Variants in RRP1B observed in about 807,000 individuals in gnomAD.
The protein encoded by RRP1B is ribosomal RNA processing protein 1 homolog B.
Under a neutral mutation model 80.2 loss-of-function variants are expected in RRP1B, and 56 were observed. That is an observed-to-expected ratio of 0.70 (90% CI 0.56 to 0.87). The LOEUF is 0.87. Among genes scored for constraint, RRP1B ranks in the 40% least tolerant of loss-of-function variants. The pLI is 0.00. For synonymous variants in RRP1B, 351 were observed against 357.6 expected (o/e 0.98, Z 0.21); for missense variants, 807 against 939.8 (o/e 0.86, Z 1.85).
intron 5 of RRP1B, 53 bp downstream of exon 5, chr21:43,674,750 T>C: frequency 4.1e-6 from 6 of 1,471,090 alleles, no homozygotes; most frequent in Non-Finnish European, 5.6e-6. Flanking sequence ...TAAAAGGTAG[T>C]AGAGTGTCAA....
Position 43,676,265 on chromosome 21 carries a change from A to G in RRP1B, c.550-7A>G. 6.2e-7 allele frequency: 1 copy of G among 1,601,266 alleles called. No individual in the cohort carries two copies. The highest frequency in any genetic ancestry group is 8.5e-7 in the Non-Finnish European group (1 of 1,173,420). On this transcript the variant is annotated splice_region_variant and splice_polypyrimidine_tract_variant and intron_variant, in intron 6 of 15. Coordinates refer to ENST00000340648, the MANE Select transcript of RRP1B (RefSeq NM_015056.3). Reference sequence around the variant, plus strand: ...TTTCTCAATTTTTCCCTTTTTCTAAATTACAGCTTTTAGCAGATCAGAATC... The same window carrying G: ...TTTCTCAATTTTTCCCTTTTTCTAAGTTACAGCTTTTAGCAGATCAGAATC...
At chr21:43,673,790 G>C (rs2083009719) in intron 3 of RRP1B, 80 bp from the exon 4 acceptor site, 4 of 834,576 alleles carry the variant, frequency 4.8e-6, no homozygotes. Context: ...ATGCTAGTTT[G>C]TTCCTCTTCA....
chr21:43,668,172 G>GC (rs955659910), intron 1 of RRP1B, among the ~76,000 whole-genome samples: 2 of 149,880 alleles, frequency 1.3e-5, no homozygotes, highest in Non-Finnish European at 3.0e-5. Context: ...TTGTGCCACT[G>GC]CACTCCAGCC....
chr21:43,679,632 A>C (rs2083035711), intron 8 of RRP1B, among the ~76,000 whole-genome samples: 1 of 152,084 alleles, frequency 6.6e-6, no homozygotes, highest in Non-Finnish European at 1.5e-5. Context: ...TTTTGATTCC[A>C]TATGAATTTT....
At position 43,687,571 on chromosome 21, in the gene RRP1B, A is replaced by T. The variant is rs534629529; in HGVS notation, c.1197A>T (p.Arg399Ser). 6.4e-5 allele frequency: 96 copies of T among 1,505,518 alleles called. No individual in the cohort carries two copies. The Middle Eastern group carries it at 7.1e-4, about 11-fold the overall frequency. The allele number at this position is 1,505,518 out of a possible 1,614,324, so 93.3% of individuals were successfully genotyped here. A position where few individuals can be genotyped will look rare whatever the true frequency, so the allele number is the denominator to read the frequency against. The part of the protein sequence containing the change: ...EEDSESSLQK[R>S]RRKKKKKHHL... ...ACAGTGAAAGCAGTCTTCAAAAGAG[A>T]AGAAGGAAGAAGAAGAAGAAGCACC... The change falls in exon 13 of 16, where the codon AGA becomes AGT. Residue 399 changes from arginine to serine, a missense_variant. Transcript: ENST00000340648.
rs185538130 is a variant in RRP1B at position 43,687,071 on chromosome 21, G to A, written c.1141+136G>A. Reference sequence around the variant, plus strand: ...CAAAGCTTCAGTCTTTAATGGCTGAGAGGTAAAGGCGGTTTTCCAAGTGTT... The same window carrying A: ...CAAAGCTTCAGTCTTTAATGGCTGAAAGGTAAAGGCGGTTTTCCAAGTGTT... On this transcript the variant is annotated intron_variant, in intron 12 of 15. Transcript: ENST00000340648. 1.3e-4 allele frequency: 130 copies of A among 1,035,530 alleles called. 1 individual carries two copies. The African/African-American group carries it at 1.9e-3, about 16-fold the overall frequency. The allele number at this position is 1,035,530 out of a possible 1,614,324, so 64.1% of individuals were successfully genotyped here.
intron 10 of RRP1B, among the ~76,000 whole-genome samples, chr21:43,684,989 T>A (rs1248346960): frequency 6.6e-6 from 1 of 152,014 alleles, no homozygotes; most frequent in African/African-American, 2.4e-5. Flanking sequence ...ATAGATAGGG[T>A]TAATTCTTTA....
Position 43,673,885 on chromosome 21 carries a change from A to C in RRP1B, c.287A>C (p.Gln96Pro), listed in dbSNP as rs2083010154. The change falls in exon 4 of 16, where the codon CAG (glutamine) becomes CCG (proline). Residue 96 changes from glutamine to proline, a missense_variant. Gln to Pro is a moderately conservative substitution (Grantham distance 76, BLOSUM62 -1). Transcript: ENST00000340648. ...TTCACTGCAGAACACCTGTTCATTC[A>C]GACCTTTTGGCAAACCATGAATCGA... ...NNSAAQHLFI[Q>P]TFWQTMNREW... 1 of 1,613,434 alleles carries C rather than the reference A, an allele frequency of 6.2e-7. No homozygotes were observed. Among genetic ancestry groups the C allele is most frequent in the South Asian group, 1.1e-5 (1 of 91,040 alleles).
chr21:43,690,122 G>A (rs1039968327), intron 13 of RRP1B, among the ~76,000 whole-genome samples, 166 bp from the exon 14 acceptor site: 18 of 152,256 alleles, frequency 1.2e-4, no homozygotes, highest in Non-Finnish European at 2.2e-4. Flanking sequence ...TGAAGCCTGA[G>A]CTCTGCCGAA....
chr21:43,686,738 C>G, intron 11 of RRP1B, 66 bp from the exon 12 acceptor site: 1 of 1,594,606 alleles, frequency 6.3e-7, no homozygotes, highest in Non-Finnish European at 8.6e-7. Context: ...GGGTGCTGCT[C>G]TTAGGCCCCT....
At chr21:43,668,386 A>ACT (rs1811691214) in intron 1 of RRP1B, among the ~76,000 whole-genome samples, 1 of 146,568 alleles carries the variant, frequency 6.8e-6, no homozygotes, top group Non-Finnish European at 1.5e-5. Flanking sequence ...TAAGAGACGG[A>ACT]CTCTCGCTCT....
intron 9 of RRP1B, 68 bp downstream of exon 9, chr21:43,683,441 G>T: frequency 8.0e-7 from 1 of 1,249,886 alleles, no homozygotes. Flanking sequence ...AGAGAATTAG[G>T]GTCACAGCTA....
In RRP1B at chr21:43,690,984, G is replaced by A. The variant is rs756181578; in HGVS notation, c.2020-455G>A. 2.0e-5 allele frequency among the ~76,000 whole-genome samples: 3 copies of A among 152,296 alleles called. 1 individual carries two copies. The highest frequency in any genetic ancestry group is 2.1e-4 in the South Asian group (1 of 4,822). ...ATTCCATCATAGGCATCGTCTCATCGATGTCATAGAGTCTTCAAGTTAGAA... is the reference window on the plus strand; with the variant it reads ...ATTCCATCATAGGCATCGTCTCATCAATGTCATAGAGTCTTCAAGTTAGAA... On this transcript the variant is annotated intron_variant, in intron 14 of 15. Coordinates refer to ENST00000340648, the MANE Select transcript of RRP1B (RefSeq NM_015056.3).
chr21:43,663,397 C>T (rs1163669188), intron 1 of RRP1B, among the ~76,000 whole-genome samples: 2 of 152,128 alleles, frequency 1.3e-5, no homozygotes, highest in East Asian at 1.9e-4. Flanking sequence ...TCCCGAGTAG[C>T]GAGCGCCCAC....
intron 8 of RRP1B, among the ~76,000 whole-genome samples, chr21:43,682,899 G>T (rs2083049180): frequency 6.6e-6 from 1 of 152,056 alleles, no homozygotes; most frequent in Non-Finnish European, 1.5e-5. Context: ...TTTTGAGACG[G>T]AGTCTCGTTG....
At chr21:43,690,866 T>C (rs1019362314) in intron 14 of RRP1B, among the ~76,000 whole-genome samples, 4 of 152,152 alleles carry the variant, frequency 2.6e-5, no homozygotes, top group African/African-American at 9.7e-5. Context: ...AAGAAGATAG[T>C]TGATTGTGGT....
At position 43,675,092 on chromosome 21, in the gene RRP1B, T is replaced by C; in HGVS notation, c.478T>C (p.Ser160Pro). 1.9e-6 allele frequency: 3 copies of C among 1,614,034 alleles called. No individual in the cohort carries two copies. The highest frequency in any genetic ancestry group is 2.5e-6 in the Non-Finnish European group (3 of 1,179,956). ...GGAGGTCCTGTGTCCTGAGAGTCAG[T>C]CTCCTAATGGAGTGAGATTCCACTT... Reference protein sequence around the residue: ...MKEVLCPESQSPNGVRFHFID... With the variant: ...MKEVLCPESQPPNGVRFHFID... Residue 160 changes from serine (S) to proline (P), a missense_variant, in exon 6 of 16, where the codon TCT (serine) becomes CCT (proline). Physicochemically the swap from Ser to Pro is moderately conservative, Grantham distance 74. Coordinates refer to ENST00000340648, the MANE Select transcript of RRP1B (RefSeq NM_015056.3).
Position 43,691,643 on chromosome 21 carries a change from T to TA in RRP1B, c.2083+141_2083+142insA, listed in dbSNP as rs1491180150. The TA allele has an allele frequency of 8.0e-6, 5 of 622,318 alleles. No homozygotes were observed. In the African/African-American group the frequency reaches 9.4e-5, roughly 12 times the overall value. 38.5% of individuals were successfully genotyped at this position (622,318 alleles called of 1,614,324 possible). On this transcript the variant is annotated intron_variant, in intron 15 of 15. Coordinates refer to ENST00000340648, the MANE Select transcript of RRP1B (RefSeq NM_015056.3). This position sits in a 1 kb window ranked among gnomAD's most constrained non-coding sequence, Gnocchi z 4.2. Reference sequence around the variant, plus strand: ...TGCCCATTTCTTTATTTTTATTTTTTTTTTTTTTTTGAGACAGAGTCTCGC... The same window carrying TA: ...TGCCCATTTCTTTATTTTTATTTTTTATTTTTTTTTTGAGACAGAGTCTCGC...
At chr21:43,685,196 C>T (rs983317212) in intron 10 of RRP1B, among the ~76,000 whole-genome samples, 1 of 152,174 alleles carries the variant, frequency 6.6e-6, no homozygotes, top group African/African-American at 2.4e-5. Context: ...TGTATACATT[C>T]AAGTATTCCA....
Sources: allele counts gnomAD v4.1 joint callset (sites outside exome capture counted in the v4.1 genomes callset), GRCh38; gene constraint gnomAD v4.1.1; non-coding constraint Gnocchi (gnomAD v3.1); transcripts MANE v1.5; gene names NCBI Gene and HGNC (gene_info 2026-07-23, HGNC 2026-07-21).